Variants in CDH13 observed in about 807,000 individuals in gnomAD.
CDH13 encodes cadherin 13.
Under a neutral mutation model 63.8 loss-of-function variants are expected in CDH13, and 24 were observed. The ratio of observed to expected loss-of-function variants is 0.38; its 90% CI spans 0.27 to 0.53. The LOEUF (loss-of-function observed/expected upper bound fraction) is 0.53. Among genes scored for constraint, CDH13 ranks in the 20% least tolerant of loss-of-function variants. The probability of loss-of-function intolerance (pLI) is 0.85; values close to 1 mark genes in which losing one functional copy is unlikely to be tolerated. For synonymous variants in CDH13, 503 were observed against 355.3 expected, an observed-to-expected ratio of 1.42 and a Z score of -4.67; for missense variants, 1,049 against 903.1, an observed-to-expected ratio of 1.16 and a Z score of -2.07.
intron 5 of CDH13, among the ~76,000 whole-genome samples, chr16:83,298,886 A>G (rs1411371121): frequency 2.0e-5 from 3 of 152,238 alleles, no homozygotes; most frequent in African/African-American, 7.2e-5. Context: ...GAGAAGTGTT[A>G]TCTTTAGGGC....
At chr16:83,673,012 A>G (rs1377110298) in intron 9 of CDH13, among the ~76,000 whole-genome samples, 3 of 152,238 alleles carry the variant, frequency 2.0e-5, no homozygotes, top group African/African-American at 7.2e-5. Flanking sequence ...CCAATACATT[A>G]GTGCTTTTAT....
intron 8 of CDH13, among the ~76,000 whole-genome samples, chr16:83,662,092 A>G (rs10781971): frequency 0.13 from 20,261 of 152,218 alleles, 1,556 homozygotes; most frequent in East Asian, 0.27. Context: ...TCCAGGATCA[A>G]GAACCACACT....
At position 83,056,385 on chromosome 16, in the gene CDH13, G is replaced by A. The variant is rs189807234; in HGVS notation, c.366+24167G>A. Among the ~76,000 whole-genome samples, 25 of 151,864 alleles carry A rather than the reference G, an allele frequency of 1.6e-4. No individual in the cohort carries two copies. The East Asian group carries it at 4.6e-3, about 28-fold the overall frequency. The stretch of plus-strand genomic sequence containing the variant: ...TAACACTTTGTAATAGCTAAAAACT[G>A]GAAACAACTCAAAAGTCCATCAAGG... On this transcript the variant is annotated intron_variant, in intron 3 of 13. Coordinates refer to ENST00000567109, the MANE Select transcript of CDH13 (RefSeq NM_001257.5).
intron 3 of CDH13, among the ~76,000 whole-genome samples, chr16:83,041,205 AT>A (rs1019040156): frequency 2.0e-5 from 3 of 152,228 alleles, no homozygotes; most frequent in African/African-American, 7.2e-5. Context: ...ATGCAAAAAA[AT>A]ATTTTTCCCT....
At chr16:83,169,210 C>T (rs181376698) in intron 4 of CDH13, among the ~76,000 whole-genome samples, 26 of 150,380 alleles carry the variant, frequency 1.7e-4, no homozygotes, top group Middle Eastern at 3.4e-3. Flanking sequence ...CGGCATCTCA[C>T]TTTGTCGCCA....
chr16:83,789,441 G>A (rs113910362), intron 13 of CDH13, among the ~76,000 whole-genome samples: 19,324 of 151,112 alleles, frequency 0.13, 2,041 homozygotes, highest in African/African-American at 0.3. Context: ...CTGCCTCCCA[G>A]GTTCAAGTGA....
At chr16:83,384,860 A>C (rs1354765965) in intron 6 of CDH13, among the ~76,000 whole-genome samples, 3 of 152,234 alleles carry the variant, frequency 2.0e-5, no homozygotes, top group Non-Finnish European at 4.4e-5. Context: ...TATTATATAC[A>C]AGTCTCATGA....
chr16:82,773,869 C>T (rs758043933), intron 1 of CDH13, among the ~76,000 whole-genome samples: 32 of 151,990 alleles, frequency 2.1e-4, no homozygotes, highest in African/African-American at 4.8e-4. Context: ...CTGCAACCTC[C>T]GCCTCCCGGG....
chr16:82,854,848 T>C (rs941371295), intron 1 of CDH13, among the ~76,000 whole-genome samples: 4 of 152,192 alleles, frequency 2.6e-5, no homozygotes, highest in Admixed American at 6.5e-5. Flanking sequence ...CCTCTTTTCT[T>C]TTTGAGACCA....
At chr16:82,884,348 G>T (rs183460327) in intron 2 of CDH13, 51 of 379,232 alleles carry the variant, frequency 1.3e-4, no homozygotes, top group Admixed American at 2.5e-4. Flanking sequence ...AAGAGAGCTT[G>T]GGATTCAGTT....
At chr16:83,430,280 T>C (rs2072056079) in intron 6 of CDH13, among the ~76,000 whole-genome samples, 2 of 152,192 alleles carry the variant, frequency 1.3e-5, no homozygotes, top group Admixed American at 1.3e-4. Context: ...ATCATGTTTG[T>C]TGCATGAAGA....
intron 7 of CDH13, among the ~76,000 whole-genome samples, chr16:83,534,669 C>T (rs1231033981): frequency 6.6e-6 from 1 of 152,236 alleles, no homozygotes; most frequent in Non-Finnish European, 1.5e-5. Context: ...CTTTTCATAG[C>T]TGAATAGTAT....
chr16:82,722,003 C>A (rs188086955), intron 1 of CDH13, among the ~76,000 whole-genome samples: 1 of 152,120 alleles, frequency 6.6e-6, no homozygotes, highest in African/African-American at 2.4e-5. Context: ...GACCCATAGT[C>A]GGACAGACCA....
intron 1 of CDH13, among the ~76,000 whole-genome samples, chr16:82,677,830 C>T (rs1159294035): frequency 6.6e-6 from 1 of 151,532 alleles, no homozygotes; most frequent in Admixed American, 6.6e-5. Context: ...TTCAGTGGGT[C>T]CTGGTTAAGC....
At chr16:82,971,926 T>A (rs2151371039) in intron 2 of CDH13, among the ~76,000 whole-genome samples, 1 of 152,282 alleles carries the variant, frequency 6.6e-6, no homozygotes, top group African/African-American at 2.4e-5. Context: ...CAGAGGAGGA[T>A]GACCTGTGTG....
intron 2 of CDH13, among the ~76,000 whole-genome samples, chr16:82,878,403 T>A (rs956357884): frequency 6.6e-6 from 1 of 151,358 alleles, no homozygotes; most frequent in Non-Finnish European, 1.5e-5. Context: ...AGCAAATGCC[T>A]CTAGCAAAAA....
At chr16:82,861,551 A>T (rs553502211) in intron 2 of CDH13, among the ~76,000 whole-genome samples, 1 of 152,176 alleles carries the variant, frequency 6.6e-6, no homozygotes, top group African/African-American at 2.4e-5. Flanking sequence ...AGACAGTAAT[A>T]TTTCCTTTTA....
chr16:83,154,380 C>A (rs902611504), intron 4 of CDH13, among the ~76,000 whole-genome samples: 1 of 151,904 alleles, frequency 6.6e-6, no homozygotes, highest in East Asian at 1.9e-4. Context: ...CATGGTGAAA[C>A]CCTGTCTCTA....
At chr16:83,104,094 T>C (rs1384145245) in intron 3 of CDH13, among the ~76,000 whole-genome samples, 2 of 152,218 alleles carry the variant, frequency 1.3e-5, no homozygotes, top group African/African-American at 2.4e-5. Flanking sequence ...TAAAGAAGAA[T>C]GAGTATTACA....
Sources: gnomAD v4.1 joint callset for allele counts (sites outside exome capture counted in the v4.1 genomes callset) on GRCh38, gnomAD v4.1.1 for gene constraint, MANE v1.5 for transcripts, NCBI Gene and HGNC (gene_info 2026-07-23, HGNC 2026-07-21) for gene names.